The following MKLN1 variants were observed in gnomAD, a reference collection of about 807,000 sequenced individuals.
MKLN1 encodes muskelin.
Under a neutral mutation model 99.0 loss-of-function variants are expected in MKLN1, and 18 were observed. That is an observed-to-expected ratio of 0.18 (90% CI 0.13 to 0.27). MKLN1 has a LOEUF of 0.27. MKLN1 is among the 10% of genes least tolerant of loss of function. The pLI is 1.00. For missense variants in MKLN1, 621 were observed against 875.9 expected (o/e 0.71, Z 3.67); for synonymous variants, 288 against 293.2 (o/e 0.98, Z 0.18).
At position 131,444,821 on chromosome 7, in the gene MKLN1, A is replaced by G. The variant is rs143778608; in HGVS notation, c.1396-953A>G. The stretch of plus-strand genomic sequence containing the variant: ...TAGTAGTAGTAGTAGTAGTAGTAGT[A>G]GAAGTGGAAGTGGAAGTGGAAGTAG... On this transcript the variant is annotated intron_variant, in intron 11 of 17. Coordinates refer to ENST00000352689, the MANE Select transcript of MKLN1 (RefSeq NM_013255.5). Among the ~76,000 whole-genome samples, 566 of 119,986 alleles carry G rather than the reference A, an allele frequency of 4.7e-3. 1 individual carries two copies. Among genetic ancestry groups the G allele is most frequent in the African/African-American group, 0.012 (362 of 30,854 alleles). The allele number at this position is 119,986 out of a possible 152,430, so 78.7% of individuals were successfully genotyped here. A position where few individuals can be genotyped will look rare whatever the true frequency, so the allele number is the denominator to read the frequency against.
intron 2 of MKLN1, among the ~76,000 whole-genome samples, chr7:131,146,047 C>A (rs1404656881): frequency 6.6e-6 from 1 of 152,150 alleles, no homozygotes; most frequent in African/African-American, 2.4e-5. Context: ...TACATCAATC[C>A]CACTAGCTCA....
rs139554440 is a variant in MKLN1, at chr7:131,184,484, C to T, written c.-296-18373C>T. Among the ~76,000 whole-genome samples the T allele has an allele frequency of 9.9e-5, 15 of 152,216 alleles. 1 individual carries two copies. Among genetic ancestry groups the T allele is most frequent in the Middle Eastern group, 3.4e-3 (1 of 294 alleles). On this transcript the variant is annotated intron_variant, in intron 2 of 7. Coordinates refer to the MKLN1 transcript ENST00000416992. ...GCTGAGTGGCATGTTGCTTGCAAGGCCCCATGGGGACTTCCAAAGCCTTCC... is the reference window on the plus strand; with the variant it reads ...GCTGAGTGGCATGTTGCTTGCAAGGTCCCATGGGGACTTCCAAAGCCTTCC...
chr7:131,385,265 AT>A (rs1201058785), intron 2 of MKLN1, among the ~76,000 whole-genome samples: 1 of 152,118 alleles, frequency 6.6e-6, no homozygotes, highest in African/African-American at 2.4e-5. Context: ...GTCGACGGAC[AT>A]TTGGGTTGTT....
At chr7:131,275,709 G>A (rs1052880429) in intron 3 of MKLN1, among the ~76,000 whole-genome samples, 44 of 150,170 alleles carry the variant, frequency 2.9e-4, no homozygotes, top group African/African-American at 1.1e-3. Context: ...GGGATTATAG[G>A]CCTGAGCCAC....
chr7:131,189,200 T>C (rs1014101026), intron 2 of MKLN1, among the ~76,000 whole-genome samples: 1 of 152,216 alleles, frequency 6.6e-6, no homozygotes, highest in African/African-American at 2.4e-5. Flanking sequence ...CTTTTATCAT[T>C]GGGTGGTGGT....
At chr7:131,255,906 A>ATTTG (rs1268035071) in intron 3 of MKLN1, among the ~76,000 whole-genome samples, 2 of 140,444 alleles carry the variant, frequency 1.4e-5, no homozygotes, top group Non-Finnish European at 3.1e-5. Context: ...TTATTTATTT[A>ATTTG]TTTATTTATT....
intron 1 of MKLN1, among the ~76,000 whole-genome samples, chr7:131,356,091 G>T (rs1799870339): frequency 6.7e-6 from 1 of 148,180 alleles, no homozygotes. Flanking sequence ...TTGAGGAAGG[G>T]AAGAAAAGGA....
rs144376529 is a variant in MKLN1, at chr7:131,386,064, A to T, written c.169-1056A>T. 1.1e-3 allele frequency among the ~76,000 whole-genome samples: 167 copies of T among 147,942 alleles called. 3 individuals are homozygous for T. The East Asian group carries it at 0.026, about 23-fold the overall frequency. ...AGTCTTACTCTGTTACTCAAGCTAG[A>T]GTGCAATGGCGTGATCTTGGCTCAC... On this transcript the variant is annotated intron_variant, in intron 2 of 17. Transcript: ENST00000352689.
At chr7:131,444,007 G>T (rs1795921683) in intron 11 of MKLN1, among the ~76,000 whole-genome samples, 1 of 152,038 alleles carries the variant, frequency 6.6e-6, no homozygotes, top group African/African-American at 2.4e-5. Flanking sequence ...TAATTAGAAG[G>T]ACAATTTCTT....
intron 2 of MKLN1, among the ~76,000 whole-genome samples, chr7:131,166,004 G>A (rs961357406): frequency 1.3e-5 from 2 of 152,202 alleles, no homozygotes; most frequent in Non-Finnish European, 1.5e-5. Flanking sequence ...GGTTCCGGCT[G>A]TGCAGGAGGC....
At chr7:131,258,545 T>A (rs1455210067) in intron 3 of MKLN1, among the ~76,000 whole-genome samples, 2 of 152,212 alleles carry the variant, frequency 1.3e-5, no homozygotes, top group African/African-American at 2.4e-5. Context: ...CAAGTAAGAT[T>A]TTAACCCAGG....
intron 1 of MKLN1, among the ~76,000 whole-genome samples, chr7:131,114,679 C>G (rs1156949910): frequency 1.3e-5 from 2 of 152,168 alleles, no homozygotes; most frequent in African/African-American, 4.8e-5. Context: ...GCTGCAGTGG[C>G]TCACACCTGT....
At chr7:131,457,531 G>T (rs1254956872) in intron 12 of MKLN1, among the ~76,000 whole-genome samples, 1 of 152,158 alleles carries the variant, frequency 6.6e-6, no homozygotes, top group Non-Finnish European at 1.5e-5. Flanking sequence ...AAAAGATAAA[G>T]AAATAGAAAA....
intron 17 of MKLN1, among the ~76,000 whole-genome samples, chr7:131,486,144 A>C (rs1021879660): frequency 6.6e-6 from 1 of 151,958 alleles, no homozygotes; most frequent in Non-Finnish European, 1.5e-5. Context: ...TTAATTGATG[A>C]GATGAATCTA....
chr7:131,168,058 A>C (rs931051660), intron 2 of MKLN1, among the ~76,000 whole-genome samples: 4 of 152,208 alleles, frequency 2.6e-5, no homozygotes, highest in Non-Finnish European at 4.4e-5. Flanking sequence ...AAATCTTTTC[A>C]GTTTTCTGTA....
chr7:131,296,534 C>T (rs1284293127), intron 3 of MKLN1, among the ~76,000 whole-genome samples: 1 of 152,034 alleles, frequency 6.6e-6, no homozygotes, highest in Non-Finnish European at 1.5e-5. Flanking sequence ...TACAGTTGCC[C>T]CTTGAAGAAC....
At chr7:131,253,557 G>C (rs186369212) in intron 3 of MKLN1, among the ~76,000 whole-genome samples, 1 of 152,150 alleles carries the variant, frequency 6.6e-6, no homozygotes, top group African/African-American at 2.4e-5. Context: ...CACAAAGGGA[G>C]ATACAAGTCA....
intron 3 of MKLN1, among the ~76,000 whole-genome samples, chr7:131,212,194 C>T (rs528164710): frequency 2.0e-5 from 3 of 152,338 alleles, no homozygotes; most frequent in African/African-American, 7.2e-5. Context: ...GTTTCCTCTT[C>T]TCTCAACTTC....
At chr7:131,120,967 A>G (rs2398755) in intron 1 of MKLN1, among the ~76,000 whole-genome samples, 150,813 of 152,340 alleles carry the variant, frequency 0.99, 74,678 homozygotes, top group Middle Eastern at 1. Context: ...GTCTGTTCTC[A>G]CACTGTTATA....
Sources: allele counts gnomAD v4.1 joint callset (sites outside exome capture counted in the v4.1 genomes callset), GRCh38; gene constraint gnomAD v4.1.1; transcripts MANE v1.5; gene names NCBI Gene and HGNC (gene_info 2026-07-23, HGNC 2026-07-21).